Variants in MYLK4 observed in about 807,000 individuals in gnomAD.
The protein encoded by MYLK4 is caMLCK like.
Under a neutral mutation model 48.1 loss-of-function variants are expected in MYLK4, and 46 were observed. The ratio of observed to expected loss-of-function variants is 0.96; its 90% confidence interval spans 0.75 to 1.22. The LOEUF is 1.22. MYLK4 is among the 50% of genes most tolerant of loss of function. The pLI is 0.00. For synonymous variants in MYLK4, 170 were observed against 180.8 expected (o/e 0.94, Z 0.48); for missense variants, 451 against 486.1 (o/e 0.93, Z 0.68).
At chr6:2,749,099 G>A (rs1257255345) in intron 2 of MYLK4, 37 bp downstream of exon 2, 1 of 1,581,566 alleles carries the variant, frequency 6.3e-7, no homozygotes, top group Non-Finnish European at 8.6e-7. Flanking sequence ...AAGATAGAAT[G>A]AATACTTTTT....
chr6:2,735,521 A>G lies in MYLK4; in HGVS notation c.159+13615T>C, dbSNP rs150899822. 2.5e-3 allele frequency among the ~76,000 whole-genome samples: 384 copies of G among 152,352 alleles called. 2 individuals are homozygous for G. In the East Asian group the frequency reaches 0.035, roughly 14 times the overall value. ...CTTCTAAGACATCAAAGACAAAATTATGCCTAAAATGTATTGGTAATAACT... is the reference window on the plus strand; with the variant it reads ...CTTCTAAGACATCAAAGACAAAATTGTGCCTAAAATGTATTGGTAATAACT... On this transcript the variant is annotated intron_variant, in intron 2 of 12. Transcript: ENST00000274643.
chr6:2,769,552 C>G, the MYLK4 span, among the ~76,000 whole-genome samples: 1 of 152,050 alleles, frequency 6.6e-6, no homozygotes, highest in African/African-American at 2.4e-5. Flanking sequence ...TCACAAAACT[C>G]TACTGAGCCT....
chr6:2,768,688 T>C, the MYLK4 span: 5 of 1,599,760 alleles, frequency 3.1e-6, no homozygotes, highest in African/African-American at 5.4e-5. Context: ...TCATCTTTTC[T>C]AGACCACTCT....
At chr6:2,696,333 T>TC (rs1379066306) in intron 2 of MYLK4, among the ~76,000 whole-genome samples, 2 of 152,208 alleles carry the variant, frequency 1.3e-5, no homozygotes, top group South Asian at 2.1e-4. Context: ...ATTGAATGTA[T>TC]CCCCCCCGAC....
intron 3 of MYLK4, among the ~76,000 whole-genome samples, chr6:2,689,971 G>A (rs1272371484): frequency 7.2e-6 from 1 of 138,460 alleles, no homozygotes; most frequent in East Asian, 2.6e-4. Flanking sequence ...CACCAGAGAA[G>A]CATCTTGATA....
chr6:2,678,717 T>TG (rs1761180605), intron 9 of MYLK4, among the ~76,000 whole-genome samples: 1 of 150,970 alleles, frequency 6.6e-6, no homozygotes, highest in Non-Finnish European at 1.5e-5. Flanking sequence ...ATCAGTTTTT[T>TG]TTTTTTTTTT....
At chr6:2,699,412 T>TCTCCAGTAG (rs1161383115) in intron 2 of MYLK4, among the ~76,000 whole-genome samples, 2 of 149,734 alleles carry the variant, frequency 1.3e-5, no homozygotes, top group Non-Finnish European at 3.0e-5. Flanking sequence ...TGCCTCAGCT[T>TCTCCAGTAG]CTCCAGTAGC....
rs1761821049 is a variant in MYLK4 at position 2,691,957 on chromosome 6, G to A, written c.235+827C>T. ...ATAGCTCTAGAGAAAACATTGCTGTGGATACGCAATGCTGTAACCCTACCT... is the reference window on the plus strand; with the variant it reads ...ATAGCTCTAGAGAAAACATTGCTGTAGATACGCAATGCTGTAACCCTACCT... On this transcript the variant is annotated intron_variant, in intron 3 of 12. Coordinates refer to ENST00000274643, the MANE Select transcript of MYLK4 (RefSeq NM_001012418.5). 1.3e-5 allele frequency among the ~76,000 whole-genome samples: 2 copies of A among 152,138 alleles called. 1 individual carries two copies. Among genetic ancestry groups the A allele is most frequent in the South Asian group, 4.1e-4 (2 of 4,828 alleles).
intron 2 of MYLK4, among the ~76,000 whole-genome samples, chr6:2,702,737 C>G (rs1762334989): frequency 6.6e-6 from 1 of 152,128 alleles, no homozygotes; most frequent in Non-Finnish European, 1.5e-5. Context: ...ATACATAGAT[C>G]AAAACTTCAC....
chr6:2,713,645 C>T (rs541938135), intron 2 of MYLK4, among the ~76,000 whole-genome samples: 2 of 152,276 alleles, frequency 1.3e-5, no homozygotes, highest in South Asian at 2.1e-4. Context: ...CCTGGTATTA[C>T]GTTAAAGAGA....
intron 2 of MYLK4, among the ~76,000 whole-genome samples, chr6:2,737,267 C>T (rs1166794660): frequency 3.3e-5 from 5 of 152,234 alleles, no homozygotes; most frequent in South Asian, 4.1e-4. Context: ...GAGCCGAGAT[C>T]GTGCCACCGC....
chr6:2,678,116 C>G, intron 10 of MYLK4, 104 bp downstream of exon 10: 1 of 1,399,814 alleles, frequency 7.1e-7, no homozygotes, highest in Non-Finnish European at 9.8e-7. Flanking sequence ...TTTGCGCAAG[C>G]ATCACAGATG....
intron 2 of MYLK4, among the ~76,000 whole-genome samples, chr6:2,733,322 A>C (rs1047614316): frequency 2.6e-5 from 4 of 152,224 alleles, no homozygotes; most frequent in Non-Finnish European, 4.4e-5. Context: ...AAGGCAGAAG[A>C]GTTATGGTGG....
the MYLK4 span, chr6:2,765,663 A>G: frequency 2.6e-6 from 4 of 1,550,078 alleles, no homozygotes; most frequent in Admixed American, 1.8e-5. Flanking sequence ...TTCCTTTCGC[A>G]GCTGCACCAG....
chr6:2,683,447 T>C (rs1761407058), intron 6 of MYLK4, among the ~76,000 whole-genome samples: 1 of 144,948 alleles, frequency 6.9e-6, no homozygotes, highest in Non-Finnish European at 1.5e-5. Flanking sequence ...TGAGATGGAG[T>C]CTCGCTGTGT....
the MYLK4 span, chr6:2,765,854 T>G: frequency 7.0e-7 from 1 of 1,422,202 alleles, no homozygotes; most frequent in Non-Finnish European, 9.2e-7. Flanking sequence ...GTCGGAGAGC[T>G]CGGCGCTGAA....
chr6:2,751,482 C>T (rs13200377), upstream of MYLK4, among the ~76,000 whole-genome samples: 4 of 152,312 alleles, frequency 2.6e-5, no homozygotes, highest in Non-Finnish European at 5.9e-5. Context: ...TTAAGCAACA[C>T]TAGGACTTCA....
Position 2,688,889 on chromosome 6 carries a change from G to A in MYLK4, c.303C>T (p.Asn101=), listed in dbSNP as rs779013525. ...CTGTCTTGCTCACAGTATAGAAGCT[G>A]TTGACCGCTCCTTGCTTGGCTGTCA... ...RIVTAKQGAV[N]SFYTVSKTEI... Residue 101 remains asparagine, a synonymous_variant, in exon 4 of 13, where the codon AAC becomes AAT. Coordinates refer to ENST00000274643, the MANE Select transcript of MYLK4 (RefSeq NM_001012418.5). The A allele has an allele frequency of 6.2e-7, 1 of 1,614,202 alleles. No homozygotes were observed.
intron 7 of MYLK4, 32 bp downstream of exon 7, chr6:2,682,989 C>T (rs1761368694): frequency 3.1e-6 from 5 of 1,613,786 alleles, no homozygotes; most frequent in Admixed American, 1.7e-5. Context: ...CTGGGAAGGG[C>T]TTACGTCTCA....
Sources: allele counts gnomAD v4.1 joint callset (sites outside exome capture counted in the v4.1 genomes callset), GRCh38; gene constraint gnomAD v4.1.1; transcripts MANE v1.5; gene names NCBI Gene and HGNC (gene_info 2026-07-23, HGNC 2026-07-21).